The following MARCHF3 variants were observed in gnomAD, a reference collection of about 807,000 sequenced individuals.
MARCHF3 encodes membrane associated ring-CH-type finger 3.
Under a neutral mutation model 24.2 loss-of-function variants are expected in MARCHF3, and 13 were observed. That is an observed-to-expected ratio of 0.54 (90% CI 0.35 to 0.85). The LOEUF (loss-of-function observed/expected upper bound fraction) is 0.85. Ranked by LOEUF, MARCHF3 falls within the 40% of genes least tolerant of loss-of-function variation. MARCHF3 has a pLI of 0.01. For missense variants in MARCHF3, 276 were observed against 325.0 expected (o/e 0.85, Z 1.16); for synonymous variants, 144 against 137.3 (o/e 1.05, Z -0.34).
At chr5:127,002,766 T>G (rs1419017096) in intron 1 of MARCHF3, among the ~76,000 whole-genome samples, 1 of 152,218 alleles carries the variant, frequency 6.6e-6, no homozygotes, top group Non-Finnish European at 1.5e-5. Flanking sequence ...AGCATCCCTT[T>G]GACATGTTTA....
At chr5:127,011,942 C>T (rs1239819700) in intron 1 of MARCHF3, among the ~76,000 whole-genome samples, 1 of 152,174 alleles carries the variant, frequency 6.6e-6, no homozygotes, top group Non-Finnish European at 1.5e-5. Context: ...AATGGAATGG[C>T]CGATTAAAAG....
chr5:126,951,363 T>G (rs961457772), intron 1 of MARCHF3, among the ~76,000 whole-genome samples: 1 of 152,198 alleles, frequency 6.6e-6, no homozygotes, highest in African/African-American at 2.4e-5. Flanking sequence ...ATTAGTGACA[T>G]GGCTAGTCCC....
chr5:127,028,987 G>T (rs934979667), intron 1 of MARCHF3, among the ~76,000 whole-genome samples: 1 of 152,202 alleles, frequency 6.6e-6, no homozygotes, highest in Non-Finnish European at 1.5e-5. Flanking sequence ...GCGGCTGCTG[G>T]GCTGTAAAAC....
chr5:127,025,571 T>G (rs2126866741), intron 1 of MARCHF3, among the ~76,000 whole-genome samples: 1 of 152,272 alleles, frequency 6.6e-6, no homozygotes, highest in Middle Eastern at 3.4e-3. Flanking sequence ...GAGCTTAACA[T>G]TTGTTTTCCT....
chr5:127,014,751 A>C (rs1394741669), intron 1 of MARCHF3, among the ~76,000 whole-genome samples: 1 of 152,202 alleles, frequency 6.6e-6, no homozygotes, highest in African/African-American at 2.4e-5. Flanking sequence ...AGAAGCTAAA[A>C]CACTTGATCT....
intron 1 of MARCHF3, among the ~76,000 whole-genome samples, chr5:126,957,227 T>A (rs1750478510): frequency 6.6e-6 from 1 of 152,326 alleles, no homozygotes; most frequent in African/African-American, 2.4e-5. Flanking sequence ...TGAGTTATAT[T>A]TTTTGCCTTT....
rs1334226273 is a variant in MARCHF3 at position 126,932,934 on chromosome 5, A to G, written c.-56-14707T>C. 4.6e-5 allele frequency among the ~76,000 whole-genome samples: 7 copies of G among 152,300 alleles called. No individual in the cohort carries two copies. The East Asian group carries it at 1.4e-3, about 29-fold the overall frequency. ...ATCTTTTCTCCCCTTTCCTAACAACAAAGGGAAGAATCAAACTAAATTTGT... is the reference window on the plus strand; with the variant it reads ...ATCTTTTCTCCCCTTTCCTAACAACGAAGGGAAGAATCAAACTAAATTTGT... On this transcript the variant is annotated intron_variant, in intron 1 of 4. Transcript: ENST00000308660.
At chr5:126,970,826 A>G (rs1303634935) in intron 1 of MARCHF3, among the ~76,000 whole-genome samples, 2 of 152,138 alleles carry the variant, frequency 1.3e-5, no homozygotes, top group Admixed American at 6.5e-5. Context: ...CATTTCCAAA[A>G]CCACAGCTTA....
intron 3 of MARCHF3, among the ~76,000 whole-genome samples, chr5:126,906,956 G>C (rs1332545091): frequency 6.6e-6 from 1 of 151,786 alleles, no homozygotes; most frequent in Non-Finnish European, 1.5e-5. Context: ...TGGGCATTTA[G>C]TGCTATAAAT....
chr5:127,006,200 CAAAA>C (rs58415135), intron 1 of MARCHF3, among the ~76,000 whole-genome samples: 3 of 71,930 alleles, frequency 4.2e-5, no homozygotes, highest in Non-Finnish European at 2.9e-5. Flanking sequence ...GAGGCTCTGT[CAAAA>C]AAAAAAAAAA....
At chr5:126,879,650 G>T (rs1253115268) in intron 3 of MARCHF3, among the ~76,000 whole-genome samples, 2 of 152,200 alleles carry the variant, frequency 1.3e-5, no homozygotes, top group Non-Finnish European at 2.9e-5. Flanking sequence ...ATTTAATTCA[G>T]TGCTTACATA....
At chr5:126,934,961 G>A (rs939042379) in intron 1 of MARCHF3, among the ~76,000 whole-genome samples, 2 of 152,082 alleles carry the variant, frequency 1.3e-5, no homozygotes, top group Non-Finnish European at 2.9e-5. Flanking sequence ...TTTTCCCACT[G>A]GGAATAAAAT....
At chr5:126,872,074 C>CTTTTTTTTT (rs70997318) in intron 4 of MARCHF3, among the ~76,000 whole-genome samples, 2 of 94,506 alleles carry the variant, frequency 2.1e-5, no homozygotes, top group African/African-American at 4.1e-5. Flanking sequence ...AGATCCTTGT[C>CTTTTTTTTT]TTTTTTTTTT....
At chr5:126,881,337 C>T (rs182279496) in intron 3 of MARCHF3, among the ~76,000 whole-genome samples, 18 of 152,170 alleles carry the variant, frequency 1.2e-4, no homozygotes, top group East Asian at 1.9e-4. Flanking sequence ...ATTATACAAA[C>T]GCAGGTTTGT....
chr5:126,904,073 T>C (rs1005998192), intron 3 of MARCHF3, among the ~76,000 whole-genome samples: 35 of 150,896 alleles, frequency 2.3e-4, no homozygotes, highest in Non-Finnish European at 4.0e-4. Flanking sequence ...GTTTGGTTTT[T>C]TGTTCTTGCG....
At chr5:126,931,332 A>G (rs1049158832) in intron 1 of MARCHF3, among the ~76,000 whole-genome samples, 1 of 152,228 alleles carries the variant, frequency 6.6e-6, no homozygotes, top group Non-Finnish European at 1.5e-5. Context: ...CTGTAAGTGG[A>G]GGACTTTCAC....
intron 1 of MARCHF3, among the ~76,000 whole-genome samples, chr5:126,954,897 T>C (rs1004583638): frequency 2.6e-5 from 4 of 152,202 alleles, no homozygotes; most frequent in African/African-American, 7.2e-5. Context: ...CCTGCCTTCC[T>C]TTCCCTTCCC....
chr5:127,015,515 G>GA (rs923954355), intron 1 of MARCHF3, among the ~76,000 whole-genome samples: 23 of 152,078 alleles, frequency 1.5e-4, no homozygotes, highest in East Asian at 3.8e-4. Flanking sequence ...GACAGGGAAA[G>GA]AAAAAAACAC....
At chr5:126,937,803 C>T (rs1749695087) in intron 1 of MARCHF3, among the ~76,000 whole-genome samples, 1 of 152,098 alleles carries the variant, frequency 6.6e-6, no homozygotes, top group African/African-American at 2.4e-5. Context: ...AATTCTTTTA[C>T]AGAATCGAAA....
Sources: allele counts gnomAD v4.1 joint callset (sites outside exome capture counted in the v4.1 genomes callset), GRCh38; gene constraint gnomAD v4.1.1; transcripts MANE v1.5; gene names NCBI Gene and HGNC (gene_info 2026-07-23, HGNC 2026-07-21).